Variants in SNX29 observed in about 807,000 individuals in gnomAD.
SNX29 encodes sorting nexin 29, also known as sorting nexin-29.
In SNX29, 78 loss-of-function variants were observed where a neutral mutation model predicts 102.1. The observed-to-expected ratio is 0.76, with a 90% CI of 0.64 to 0.92. The LOEUF is 0.92. Ranked by LOEUF, SNX29 falls within the 40% of genes least tolerant of loss-of-function variation. The pLI is 0.00. For missense variants in SNX29, 1,280 were observed against 1,061.7 expected, an observed-to-expected ratio of 1.21 and a Z score of -2.86; for synonymous variants, 580 against 414.5, an observed-to-expected ratio of 1.40 and a Z score of -4.85.
intron 13 of SNX29, chr16:12,135,547 G>A (rs1462645527): frequency 2.3e-6 from 3 of 1,325,008 alleles, no homozygotes; most frequent in Non-Finnish European, 3.0e-6. Context: ...TATTTTGTTG[G>A]CAGCTATCTT....
chr16:12,299,459 C>G (rs904748206), intron 15 of SNX29, among the ~76,000 whole-genome samples: 16 of 152,190 alleles, frequency 1.1e-4, no homozygotes, highest in African/African-American at 3.6e-4. Context: ...TGCCATTACA[C>G]TGGACATCAA....
chr16:12,513,086 G>A (rs1206010369), intron 19 of SNX29, among the ~76,000 whole-genome samples: 1 of 152,020 alleles, frequency 6.6e-6, no homozygotes, highest in Admixed American at 6.6e-5. Context: ...CATGCATCCT[G>A]CCCTGCGTAC....
chr16:12,484,207 G>A (rs543961661), intron 19 of SNX29, among the ~76,000 whole-genome samples: 1 of 151,988 alleles, frequency 6.6e-6, no homozygotes, highest in South Asian at 2.1e-4. Context: ...GGAGTGTAGC[G>A]GTGCGATCAT....
At chr16:12,410,055 C>T (rs1471978034) in intron 18 of SNX29, among the ~76,000 whole-genome samples, 9 of 151,968 alleles carry the variant, frequency 5.9e-5, no homozygotes, top group African/African-American at 1.2e-4. Flanking sequence ...AGTGCAGTAG[C>T]GCAATCTCGG....
At chr16:12,097,952 C>T (rs992775329) in intron 11 of SNX29, among the ~76,000 whole-genome samples, 2 of 152,232 alleles carry the variant, frequency 1.3e-5, no homozygotes, top group African/African-American at 2.4e-5. Flanking sequence ...GTTGGGGGAG[C>T]TGCACCGCCC....
At chr16:12,227,046 G>T (rs1281029505) in intron 14 of SNX29, among the ~76,000 whole-genome samples, 1 of 152,202 alleles carries the variant, frequency 6.6e-6, no homozygotes, top group Non-Finnish European at 1.5e-5. Context: ...ATTATGGGCT[G>T]GGACTGTGGT....
chr16:12,499,370 CG>C (rs939148503), intron 19 of SNX29, among the ~76,000 whole-genome samples: 1 of 152,146 alleles, frequency 6.6e-6, no homozygotes, highest in Admixed American at 6.5e-5. Flanking sequence ...AGGTGACTGA[CG>C]GGGGTGCCAG....
chr16:12,170,555 C>CTGT (rs1223629627), intron 13 of SNX29, among the ~76,000 whole-genome samples: 1 of 151,676 alleles, frequency 6.6e-6, no homozygotes, highest in African/African-American at 2.4e-5. Context: ...GGTAGATGGG[C>CTGT]TGTTCGTGGG....
At chr16:12,331,008 C>G (rs1034189407) in intron 15 of SNX29, among the ~76,000 whole-genome samples, 4 of 152,252 alleles carry the variant, frequency 2.6e-5, no homozygotes, top group African/African-American at 9.6e-5. Flanking sequence ...AATTCAGTTT[C>G]TCATCTTCTT....
intron 19 of SNX29, among the ~76,000 whole-genome samples, chr16:12,521,873 C>G (rs996498306): frequency 6.6e-6 from 1 of 152,204 alleles, no homozygotes; most frequent in Non-Finnish European, 1.5e-5. Context: ...TTCTCTCATT[C>G]GCACATAGCC....
chr16:12,528,834 A>G (rs1380446324), intron 20 of SNX29, among the ~76,000 whole-genome samples: 2 of 152,222 alleles, frequency 1.3e-5, no homozygotes, highest in African/African-American at 4.8e-5. Flanking sequence ...GATCAGCTTC[A>G]GGAATGGTGG....
intron 20 of SNX29, among the ~76,000 whole-genome samples, chr16:12,530,295 T>G (rs1025628983): frequency 6.6e-6 from 1 of 152,194 alleles, no homozygotes; most frequent in Non-Finnish European, 1.5e-5. Flanking sequence ...TGTGTGTCAC[T>G]GTTTGTACCA....
chr16:12,558,221 CCT>C, intron 20 of SNX29, among the ~76,000 whole-genome samples: 1 of 43,234 alleles, frequency 2.3e-5, no homozygotes, highest in Admixed American at 1.5e-4. Context: ...CATCACAGAG[CCT>C]CTCTTCAGCC....
chr16:12,443,516 T>C (rs2085904114), intron 18 of SNX29, among the ~76,000 whole-genome samples: 1 of 152,196 alleles, frequency 6.6e-6, no homozygotes, highest in Non-Finnish European at 1.5e-5. Context: ...GCAGTGGTGC[T>C]ATCTTGGTTC....
intron 11 of SNX29, among the ~76,000 whole-genome samples, chr16:12,089,127 A>AAGAGAG (rs139548374): frequency 1.1e-5 from 1 of 88,630 alleles, no homozygotes; most frequent in Non-Finnish European, 2.4e-5. Context: ...AGAGAGAGAA[A>AAGAGAG]AGAGAGAGAG....
intron 14 of SNX29, among the ~76,000 whole-genome samples, chr16:12,229,685 G>C (rs2077714310): frequency 6.6e-6 from 1 of 152,020 alleles, no homozygotes; most frequent in Admixed American, 6.6e-5. Flanking sequence ...ACCGTCAAAG[G>C]GATTTACCTA....
chr16:12,498,584 A>C (rs942295018), intron 19 of SNX29, among the ~76,000 whole-genome samples: 1 of 152,222 alleles, frequency 6.6e-6, no homozygotes, highest in African/African-American at 2.4e-5. Context: ...ATACAGTGGG[A>C]AATTAAACAG....
intron 6 of SNX29, among the ~76,000 whole-genome samples, chr16:12,047,331 A>C (rs2050129274): frequency 1.3e-5 from 2 of 152,272 alleles, no homozygotes; most frequent in African/African-American, 2.4e-5. Context: ...CCTCTTTCCA[A>C]GTTTTTTGTT....
At chr16:12,028,005 C>T (rs999122877) in intron 4 of SNX29, among the ~76,000 whole-genome samples, 1 of 152,188 alleles carries the variant, frequency 6.6e-6, no homozygotes, top group African/African-American at 2.4e-5. Flanking sequence ...ATTACTGCCA[C>T]TGTACAGATG....
Sources: allele counts gnomAD v4.1 joint callset (sites outside exome capture counted in the v4.1 genomes callset), GRCh38; gene constraint gnomAD v4.1.1; transcripts MANE v1.5; gene names NCBI Gene and HGNC (gene_info 2026-07-23, HGNC 2026-07-21).